SH3GL2: variants seen among roughly 807,000 people sequenced by gnomAD.
The protein encoded by SH3GL2 is SH3 domain containing GRB2 like 2, endophilin A1, also known as endophilin-A1.
In SH3GL2, 24 loss-of-function variants were observed where a neutral mutation model predicts 46.0. The observed-to-expected ratio is 0.52, with a 90% CI of 0.38 to 0.73. The LOEUF is 0.73. SH3GL2 is among the 30% of genes least tolerant of loss of function. SH3GL2 has a pLI of 0.00. For missense variants in SH3GL2, 413 were observed against 424.2 expected, an observed-to-expected ratio of 0.97 and a Z score of 0.23; for synonymous variants, 196 against 147.1, an observed-to-expected ratio of 1.33 and a Z score of -2.40.
intron 1 of SH3GL2, among the ~76,000 whole-genome samples, chr9:17,586,895 T>C (rs1387187841): frequency 6.6e-6 from 1 of 152,178 alleles, no homozygotes; most frequent in Non-Finnish European, 1.5e-5. Flanking sequence ...ATAAAGCAGA[T>C]AGCCTATGCT....
intron 5 of SH3GL2, among the ~76,000 whole-genome samples, chr9:17,788,737 G>A (rs1824033401): frequency 6.6e-6 from 1 of 152,056 alleles, no homozygotes. Flanking sequence ...TTGTTCTTGA[G>A]TTCAATTATA....
chr9:17,769,922 G>A (rs1823423049), intron 3 of SH3GL2, among the ~76,000 whole-genome samples: 1 of 152,122 alleles, frequency 6.6e-6, no homozygotes, highest in Admixed American at 6.5e-5. Context: ...TTGAAGACAA[G>A]GACTATGTCT....
intron 1 of SH3GL2, among the ~76,000 whole-genome samples, chr9:17,619,447 C>G (rs569928921): frequency 6.6e-6 from 1 of 152,136 alleles, no homozygotes; most frequent in African/African-American, 2.4e-5. Context: ...GGAGGCTGAG[C>G]CAGGCAGATT....
chr9:17,776,144 C>A (rs935238149), intron 3 of SH3GL2, among the ~76,000 whole-genome samples: 4 of 152,204 alleles, frequency 2.6e-5, no homozygotes, highest in Non-Finnish European at 5.9e-5. Flanking sequence ...ATTTTCACAC[C>A]CCTGTGCCTC....
At chr9:17,632,016 G>A (rs1007477036) in intron 1 of SH3GL2, among the ~76,000 whole-genome samples, 2 of 152,020 alleles carry the variant, frequency 1.3e-5, no homozygotes, top group Non-Finnish European at 2.9e-5. Context: ...TGCTTTTCAG[G>A]GTTATTTCTG....
chr9:17,581,544 AAAATT>A (rs1218456653), intron 1 of SH3GL2, among the ~76,000 whole-genome samples: 5 of 152,234 alleles, frequency 3.3e-5, no homozygotes, highest in Non-Finnish European at 7.3e-5. Flanking sequence ...ATGTGACAAA[AAAATT>A]AGAGAAATAG....
Position 17,751,557 on chromosome 9 carries a change from C to A in SH3GL2, c.114+4423C>A, listed in dbSNP as rs146304358. Among the ~76,000 whole-genome samples the A allele has an allele frequency of 5.1e-3, 777 of 151,860 alleles. 9 individuals are homozygous for A. The highest frequency in any genetic ancestry group is 0.018 in the African/African-American group (746 of 41,334). Reference sequence around the variant, plus strand: ...TCCCTATCACTGCCCATGTTTGACCCCCTTGTTCCCACCGCCCATGTTGGA... The same window carrying A: ...TCCCTATCACTGCCCATGTTTGACCACCTTGTTCCCACCGCCCATGTTGGA... On this transcript the variant is annotated intron_variant, in intron 2 of 8. Coordinates refer to ENST00000380607, the MANE Select transcript of SH3GL2 (RefSeq NM_003026.5).
At chr9:17,721,539 A>G (rs73645156) in intron 1 of SH3GL2, among the ~76,000 whole-genome samples, 6,274 of 152,164 alleles carry the variant, frequency 0.041, 427 homozygotes, top group African/African-American at 0.14. Flanking sequence ...ACCATACCAT[A>G]TTTTACTTAA....
At chr9:17,680,499 G>A (rs1008010302) in intron 1 of SH3GL2, among the ~76,000 whole-genome samples, 9 of 151,812 alleles carry the variant, frequency 5.9e-5, no homozygotes, top group South Asian at 2.1e-4. Context: ...TTTTTATTGC[G>A]TCTATTTGAT....
At chr9:17,721,073 T>A (rs1049760825) in intron 1 of SH3GL2, among the ~76,000 whole-genome samples, 1 of 152,054 alleles carries the variant, frequency 6.6e-6, no homozygotes, top group Non-Finnish European at 1.5e-5. Context: ...TCTCGCACTC[T>A]CCTCTGGCTA....
At chr9:17,730,899 A>C (rs1822160847) in intron 1 of SH3GL2, among the ~76,000 whole-genome samples, 1 of 152,154 alleles carries the variant, frequency 6.6e-6, no homozygotes, top group Non-Finnish European at 1.5e-5. Context: ...GAGAGGAACC[A>C]AAACAAAAGG....
chr9:17,603,275 C>T (rs1818702029), intron 1 of SH3GL2, among the ~76,000 whole-genome samples: 1 of 152,100 alleles, frequency 6.6e-6, no homozygotes, highest in South Asian at 2.1e-4. Flanking sequence ...TGGGAGCAAC[C>T]CAAGTGTCTG....
intron 1 of SH3GL2, among the ~76,000 whole-genome samples, chr9:17,602,566 C>T (rs1433465458): frequency 6.6e-6 from 1 of 152,134 alleles, no homozygotes; most frequent in African/African-American, 2.4e-5. Flanking sequence ...CTCTTGACCC[C>T]TCAAATGAGG....
intron 6 of SH3GL2, 83 bp from the exon 7 acceptor site, chr9:17,791,148 C>A: frequency 1.0e-6 from 1 of 953,240 alleles, no homozygotes; most frequent in Non-Finnish European, 1.7e-6. Context: ...TGAGGGCAGC[C>A]CTGGTGTATG....
intron 3 of SH3GL2, among the ~76,000 whole-genome samples, chr9:17,783,929 C>G (rs1189563000): frequency 6.6e-6 from 1 of 152,010 alleles, no homozygotes; most frequent in Non-Finnish European, 1.5e-5. Context: ...ATTTTCCAGG[C>G]TCACTCTCAG....
intron 1 of SH3GL2, among the ~76,000 whole-genome samples, chr9:17,583,755 C>G (rs1033912483): frequency 2.0e-5 from 3 of 152,048 alleles, no homozygotes; most frequent in Non-Finnish European, 4.4e-5. Context: ...AAAATTTCAT[C>G]ATGTTTGTGT....
intron 1 of SH3GL2, among the ~76,000 whole-genome samples, chr9:17,596,889 G>A (rs895857111): frequency 1.3e-5 from 2 of 152,162 alleles, no homozygotes; most frequent in African/African-American, 4.8e-5. Flanking sequence ...GACTGCTGAC[G>A]GTGGTGGATT....
At chr9:17,750,092 C>T (rs1588299802) in intron 2 of SH3GL2, among the ~76,000 whole-genome samples, 1 of 152,166 alleles carries the variant, frequency 6.6e-6, no homozygotes. Context: ...ACCCTCCACT[C>T]ATGCTAAATT....
intron 1 of SH3GL2, among the ~76,000 whole-genome samples, chr9:17,632,942 A>G (rs1312398149): frequency 1.3e-5 from 2 of 152,210 alleles, no homozygotes; most frequent in East Asian, 1.9e-4. Flanking sequence ...AGTTTTATGA[A>G]AAAAGGAGAG....
Sources: gnomAD v4.1 joint callset for allele counts (sites outside exome capture counted in the v4.1 genomes callset) on GRCh38, gnomAD v4.1.1 for gene constraint, MANE v1.5 for transcripts, NCBI Gene and HGNC (gene_info 2026-07-23, HGNC 2026-07-21) for gene names.